TDRD15: variants seen among roughly 807,000 people sequenced by gnomAD.
TDRD15 encodes the protein tudor domain-containing protein 15.
For missense variants in TDRD15, 1,416 were observed against 904.7 expected (o/e 1.57, Z -7.25); for synonymous variants, 503 against 314.5 (o/e 1.60, Z -6.34).
chr2:21,142,081 A>C lies in TDRD15; in HGVS notation c.4614A>C (p.Lys1538Asn). The C allele has an allele frequency of 1.4e-6, 1 of 695,670 alleles. No homozygotes were observed. Among genetic ancestry groups the C allele is most frequent in the Admixed American group, 2.3e-5 (1 of 44,176 alleles). The allele number at this position is 695,670 out of a possible 1,614,324, so 43.1% of individuals were successfully genotyped here. Reference protein sequence around the residue: ...LEKAEMLNVSKSGRFYVKLSK... With the variant: ...LEKAEMLNVSNSGRFYVKLSK... Reference sequence around the variant, plus strand: ...AAGCTGAAATGCTTAATGTTTCAAAAAGTGGAAGATTTTATGTGAAGTTAT... The same window carrying C: ...AAGCTGAAATGCTTAATGTTTCAAACAGTGGAAGATTTTATGTGAAGTTAT... Residue 1538 changes from lysine (K) to asparagine (N), a missense_variant, in exon 4 of 4, where the codon AAA becomes AAC. Coordinates refer to ENST00000405799, the MANE Select transcript of TDRD15 (RefSeq NM_001306137.2).
Position 21,142,446 on chromosome 2 carries a change from T to G in TDRD15, c.4979T>G (p.Leu1660Trp). The G allele has an allele frequency of 1.4e-6, 1 of 708,430 alleles. No homozygotes were observed. The highest frequency in any genetic ancestry group is 2.7e-5 in the East Asian group (1 of 37,112). The allele number at this position is 708,430 out of a possible 1,614,324, so 43.9% of individuals were successfully genotyped here. ...TCATTTGAGTGCTTATTTGCTGATT[T>G]GGAAATAAATATTCTTTTCCTGAAA... ...NISFECLFAD[L>W]EINILFLKYL... Residue 1660 changes from leucine to tryptophan, a missense_variant, in exon 4 of 4, where the codon TTG becomes TGG. Coordinates refer to ENST00000405799, the MANE Select transcript of TDRD15 (RefSeq NM_001306137.2).
At chr2:21,137,070 A>C (rs1184176427) in intron 3 of TDRD15, among the ~76,000 whole-genome samples, 1 of 151,980 alleles carries the variant, frequency 6.6e-6, no homozygotes, top group East Asian at 1.9e-4. Context: ...CATGAAGGAA[A>C]GTGGTTGTCT....
chr2:21,136,014 G>A (rs1342520748), intron 3 of TDRD15, among the ~76,000 whole-genome samples: 1 of 151,970 alleles, frequency 6.6e-6, no homozygotes, highest in Admixed American at 6.6e-5. Flanking sequence ...CATGAAAAAG[G>A]GTGGCATGGT....
rs1340015760 is a variant in TDRD15, at chr2:21,138,044, A to G, written c.577A>G (p.Ile193Val). 2 of 716,166 alleles carry G rather than the reference A, an allele frequency of 2.8e-6. No individual in the cohort carries two copies. The highest frequency in any genetic ancestry group is 3.0e-5 in the South Asian group (2 of 67,402). The allele number at this position is 716,166 out of a possible 1,614,324, so 44.4% of individuals were successfully genotyped here. ...RLVDGDSFRL[I>V]VEMLEEFPQQ... ...TGTTGATGGAGATTCATTTCGTCTTATTGTGGAAATGTTAGAAGAATTCCC... is the reference window on the plus strand; with the variant it reads ...TGTTGATGGAGATTCATTTCGTCTTGTTGTGGAAATGTTAGAAGAATTCCC... Residue 193 changes from isoleucine (I) to valine (V), a missense_variant, in exon 4 of 4, where the codon ATT becomes GTT. Ile to Val is a conservative substitution (Grantham distance 29). Transcript: ENST00000405799.
chr2:21,128,402 A>C (rs1665640930), intron 2 of TDRD15, among the ~76,000 whole-genome samples: 1 of 151,318 alleles, frequency 6.6e-6, no homozygotes, highest in Non-Finnish European at 1.5e-5. Context: ...AGCTCACTGC[A>C]AACTCTGCCT....
intron 3 of TDRD15, 34 bp from the exon 4 acceptor site, chr2:21,137,431 G>C (rs909661566): frequency 3.4e-6 from 2 of 580,676 alleles, no homozygotes; most frequent in Non-Finnish European, 3.1e-6. Flanking sequence ...AGTTAACTTT[G>C]ATAGCTAATG....
At chr2:21,133,682 A>G (rs1305197507) in intron 2 of TDRD15, among the ~76,000 whole-genome samples, 5 of 152,140 alleles carry the variant, frequency 3.3e-5, no homozygotes, top group African/African-American at 9.7e-5. Context: ...TTATTAATAC[A>G]AGGAACTATT....
rs143329553 is a variant in TDRD15, at chr2:21,124,476, GGTGT to G, written c.-201+448_-201+451del. ...TGTGACAGAGTGATCCTAATGCCAG[GGTGT>G]GTGTGTGTGTGTGTGTGACAGAGTG... On this transcript the variant is annotated intron_variant, in intron 1 of 3. Coordinates refer to ENST00000405799, the MANE Select transcript of TDRD15 (RefSeq NM_001306137.2). 8.6e-3 allele frequency among the ~76,000 whole-genome samples: 1,159 copies of G among 134,598 alleles called. 11 individuals carry two copies. The highest frequency in any genetic ancestry group is 0.032 in the African/African-American group (1,068 of 33,720). 88.3% of individuals were successfully genotyped at this position (134,598 alleles called of 152,430 possible). A position where few individuals can be genotyped will look rare whatever the true frequency, so the allele number is the denominator to read the frequency against.
rs933411730 is a variant in TDRD15, at chr2:21,138,899, A to T, written c.1432A>T (p.Met478Leu). Residue 478 changes from methionine to leucine, a missense_variant, in exon 4 of 4, where the codon ATG becomes TTG. By Grantham distance (15) the Met-to-Leu change is conservative (BLOSUM62 2). Transcript: ENST00000405799. Reference protein sequence around the residue: ...KVGFPIKTVQMEIEAAYIAFI... With the variant: ...KVGFPIKTVQLEIEAAYIAFI... ...AGGTTTTCCCATTAAAACAGTACAA[A>T]TGGAGATAGAGGCTGCCTACATAGC... 5.6e-6 allele frequency: 4 copies of T among 715,728 alleles called. No individual in the cohort carries two copies. Among genetic ancestry groups the T allele is most frequent in the Non-Finnish European group, 1.0e-5 (4 of 384,104 alleles). The allele number at this position is 715,728 out of a possible 1,614,324, so 44.3% of individuals were successfully genotyped here.
chr2:21,138,918 A>T lies in TDRD15; in HGVS notation c.1451A>T (p.Tyr484Phe), dbSNP rs1398533787. The T allele has an allele frequency of 1.4e-6, 1 of 715,476 alleles. No individual in the cohort carries two copies. Among genetic ancestry groups the T allele is most frequent in the Non-Finnish European group, 2.6e-6 (1 of 384,006 alleles). The allele number at this position is 715,476 out of a possible 1,614,324, so 44.3% of individuals were successfully genotyped here. ...GTACAAATGGAGATAGAGGCTGCCT[A>T]CATAGCTTTTATAGCATATGTATTA... is the stretch of plus-strand genomic sequence containing the variant. ...KTVQMEIEAAYIAFIAYVLNP... is the reference protein window; with the variant it reads ...KTVQMEIEAAFIAFIAYVLNP... Residue 484 changes from tyrosine to phenylalanine, a missense_variant, in exon 4 of 4, where the codon TAC (tyrosine) becomes TTC (phenylalanine). Physicochemically the swap from Tyr to Phe is conservative, Grantham distance 22. Coordinates refer to ENST00000405799, the MANE Select transcript of TDRD15 (RefSeq NM_001306137.2).
At chr2:21,127,297 A>G (rs1008701047) in intron 1 of TDRD15, among the ~76,000 whole-genome samples, 47 of 152,196 alleles carry the variant, frequency 3.1e-4, no homozygotes, top group African/African-American at 1.1e-3. Context: ...GAGGAGCAAA[A>G]TATTTTAATT....
In TDRD15 at chr2:21,141,728, A is replaced by T. The variant is rs1419429250; in HGVS notation, c.4261A>T (p.Ile1421Leu). The change falls in exon 4 of 4, where the codon ATA becomes TTA. Residue 1421 changes from isoleucine (I) to leucine (L), a missense_variant. By Grantham distance (5) the Ile-to-Leu change is conservative. Transcript: ENST00000405799. ...SGVKWNEPDE[I>L]WDDKTVDYFT... is the part of the protein sequence containing the mutation. ...AGTAAAATGGAATGAGCCTGATGAA[A>T]TATGGGATGACAAAACTGTGGATTA... 4.2e-6 allele frequency: 3 copies of T among 715,450 alleles called. No individual in the cohort carries two copies. Among genetic ancestry groups the T allele is most frequent in the Non-Finnish European group, 7.8e-6 (3 of 383,654 alleles). The allele number at this position is 715,450 out of a possible 1,614,324, so 44.3% of individuals were successfully genotyped here.
At chr2:21,132,947 T>A (rs73920468) in intron 2 of TDRD15, among the ~76,000 whole-genome samples, 10,456 of 152,140 alleles carry the variant, frequency 0.069, 1,184 homozygotes, top group African/African-American at 0.24. Context: ...GCGGCATCCC[T>A]GGCTTCTACC....
At chr2:21,124,620 G>GGT (rs1304119528) in intron 1 of TDRD15, among the ~76,000 whole-genome samples, 2 of 140,144 alleles carry the variant, frequency 1.4e-5, no homozygotes, top group South Asian at 2.4e-4. Context: ...CTAATGTCAG[G>GGT]GTGTGTGTGT....
downstream of TDRD15, among the ~76,000 whole-genome samples, chr2:21,145,404 G>A (rs1284344359): frequency 6.6e-6 from 1 of 151,828 alleles, no homozygotes; most frequent in Non-Finnish European, 1.5e-5. Context: ...TCCCATACCT[G>A]TGTATATGTC....
Position 21,142,709 on chromosome 2 carries a change from T to A in TDRD15, c.5242T>A (p.Phe1748Ile), listed in dbSNP as rs1356844112. ...AACTGCTGTTTCTGATCCATCAGAC[T>A]TCAGTATTCAGTTAGAAGATTTCTT... ...IATAVSDPSD[F>I]SIQLEDFFDI... is the part of the protein sequence containing the mutation. The change falls in exon 4 of 4, where the codon TTC becomes ATC. Residue 1748 changes from phenylalanine to isoleucine, a missense_variant. Coordinates refer to ENST00000405799, the MANE Select transcript of TDRD15 (RefSeq NM_001306137.2). The A allele has an allele frequency of 1.4e-6, 1 of 711,926 alleles. No individual in the cohort carries two copies. Among genetic ancestry groups the A allele is most frequent in the South Asian group, 1.5e-5 (1 of 66,466 alleles). 44.1% of individuals were successfully genotyped at this position (711,926 alleles called of 1,614,324 possible).
downstream of TDRD15, among the ~76,000 whole-genome samples, chr2:21,144,920 G>A (rs1666008057): frequency 2.0e-5 from 3 of 152,034 alleles, no homozygotes; most frequent in South Asian, 6.2e-4. Flanking sequence ...ACAGACAAGA[G>A]AATCTTCTTG....
At chr2:21,136,393 CAT>C (rs1475080929) in intron 3 of TDRD15, among the ~76,000 whole-genome samples, 5 of 151,890 alleles carry the variant, frequency 3.3e-5, no homozygotes, top group Non-Finnish European at 5.9e-5. Flanking sequence ...TGAAATCTAT[CAT>C]GTGTGTATAG....
In TDRD15 at chr2:21,141,718, G is replaced by A. The variant is rs1161053199; in HGVS notation, c.4251G>A (p.Glu1417=). 3 of 715,244 alleles carry A rather than the reference G, an allele frequency of 4.2e-6. No homozygotes were observed. Among genetic ancestry groups the A allele is most frequent in the African/African-American group, 3.5e-5 (2 of 57,098 alleles). 44.3% of individuals were successfully genotyped at this position (715,244 alleles called of 1,614,324 possible). A position where few individuals can be genotyped will look rare whatever the true frequency, so the allele number is the denominator to read the frequency against. Residue 1417 remains glutamate, a synonymous_variant, in exon 4 of 4, where the codon GAG becomes GAA. Transcript: ENST00000405799. The stretch of plus-strand genomic sequence containing the variant: ...TTCTTAGTGGAGTAAAATGGAATGA[G>A]CCTGATGAAATATGGGATGACAAAA... The part of the protein sequence containing the change: ...HAFLSGVKWN[E]PDEIWDDKTV...
Sources: gnomAD v4.1 joint callset for allele counts (sites outside exome capture counted in the v4.1 genomes callset) on GRCh38, gnomAD v4.1.1 for gene constraint, MANE v1.5 for transcripts, NCBI Gene and HGNC (gene_info 2026-07-23, HGNC 2026-07-21) for gene names.